The following RYR2 variants were observed in gnomAD, a reference collection of about 807,000 sequenced individuals.
RYR2 encodes cardiac muscle ryanodine receptor-calcium release channel.
Under a neutral mutation model 601.1 loss-of-function variants are expected in RYR2, and 227 were observed. The observed-to-expected ratio is 0.38, with a 90% CI of 0.34 to 0.42. The LOEUF (loss-of-function observed/expected upper bound fraction) is 0.42. RYR2 is among the 10% of genes least tolerant of loss of function. RYR2 has a pLI of 1.00. For synonymous variants in RYR2, 2,223 were observed against 2,175.1 expected, an observed-to-expected ratio of 1.02 and a Z score of -0.61; for missense variants, 4,646 against 6,156.5, an observed-to-expected ratio of 0.75 and a Z score of 8.21.
At chr1:237,635,080 A>G (rs1680738706) in intron 44 of RYR2, 88 bp downstream of exon 44, 1 of 1,061,534 alleles carries the variant, frequency 9.4e-7, no homozygotes, top group Middle Eastern at 2.1e-4. Context: ...AGGTTGGTGC[A>G]GAAGTCATTG....
At chr1:237,656,463 T>C (rs1683257900) in intron 53 of RYR2, among the ~76,000 whole-genome samples, 1 of 152,162 alleles carries the variant, frequency 6.6e-6, no homozygotes, top group Admixed American at 6.5e-5. Context: ...CAGCACAAGA[T>C]GGAAGGGAAT....
intron 10 of RYR2, among the ~76,000 whole-genome samples, chr1:237,396,093 G>A (rs1355421899): frequency 1.3e-5 from 2 of 152,196 alleles, no homozygotes; most frequent in African/African-American, 4.8e-5. Context: ...GTTTGGTTAA[G>A]GATGGCTGTA....
chr1:237,068,932 A>G (rs1663980223), intron 1 of RYR2, among the ~76,000 whole-genome samples: 1 of 152,188 alleles, frequency 6.6e-6, no homozygotes, highest in Non-Finnish European at 1.5e-5. Context: ...CACTGGAGCA[A>G]AAATCTTCCT....
At chr1:237,141,784 C>T (rs1373753555) in intron 1 of RYR2, among the ~76,000 whole-genome samples, 3 of 152,122 alleles carry the variant, frequency 2.0e-5, no homozygotes, top group Non-Finnish European at 2.9e-5. Context: ...TTGCTATGTT[C>T]CCGGATCCTC....
At position 237,294,251 on chromosome 1, in the gene RYR2, T is replaced by A. The variant is rs77295119; in HGVS notation, c.168+23635T>A. Among the ~76,000 whole-genome samples the A allele has an allele frequency of 2.6e-3, 401 of 152,170 alleles. 2 individuals carry two copies. The highest frequency in any genetic ancestry group is 8.4e-3 in the African/African-American group (347 of 41,512). The stretch of plus-strand genomic sequence containing the variant: ...TTATTATATCACAGTATCACAAGAG[T>A]TAATTCAGTCTCCCATGTTCATGGA... On this transcript the variant is annotated intron_variant, in intron 2 of 104. Coordinates refer to ENST00000366574, the MANE Select transcript of RYR2 (RefSeq NM_001035.3).
intron 53 of RYR2, 147 bp downstream of exon 53, chr1:237,656,131 C>A: frequency 3.4e-6 from 2 of 588,090 alleles, no homozygotes; most frequent in Non-Finnish European, 5.8e-6. Context: ...ATTTATAAAA[C>A]GATAGTAATA....
At chr1:237,459,421 G>C (rs1438173213) in intron 16 of RYR2, among the ~76,000 whole-genome samples, 1 of 152,146 alleles carries the variant, frequency 6.6e-6, no homozygotes, top group Non-Finnish European at 1.5e-5. Context: ...TTTTAAAAAA[G>C]AAGAATTTCA....
At chr1:237,198,825 C>T (rs1167008020) in intron 1 of RYR2, among the ~76,000 whole-genome samples, 1 of 148,308 alleles carries the variant, frequency 6.7e-6, no homozygotes, top group Non-Finnish European at 1.5e-5. Flanking sequence ...AGGTTTTAGA[C>T]ATATATATTT....
intron 103 of RYR2, 69 bp downstream of exon 103, chr1:237,830,699 T>C: frequency 1.3e-6 from 1 of 741,114 alleles, no homozygotes; most frequent in Non-Finnish European, 2.3e-6. Context: ...CATCTCAGAA[T>C]AGAGAGGAAG....
At chr1:237,355,816 A>G in intron 3 of RYR2, 149 bp from the exon 4 acceptor site, 1 of 675,664 alleles carries the variant, frequency 1.5e-6, no homozygotes, top group Non-Finnish European at 2.5e-6. Flanking sequence ...TGTTAATGAA[A>G]AACTTGAATA....
chr1:237,050,424 G>T (rs958732970), intron 1 of RYR2, among the ~76,000 whole-genome samples: 1 of 152,182 alleles, frequency 6.6e-6, no homozygotes, highest in African/African-American at 2.4e-5. Context: ...GGGGAAACCC[G>T]CATGTGGTCA....
intron 2 of RYR2, among the ~76,000 whole-genome samples, chr1:237,299,658 A>G (rs1693155544): frequency 6.6e-6 from 1 of 152,170 alleles, no homozygotes; most frequent in South Asian, 2.1e-4. Context: ...ACTGCCGGCT[A>G]ATAAAAAGTT....
chr1:237,261,253 T>C (rs915576682), intron 1 of RYR2, among the ~76,000 whole-genome samples: 27 of 152,214 alleles, frequency 1.8e-4, no homozygotes, highest in African/African-American at 6.5e-4. Flanking sequence ...ATGGTTGCAG[T>C]GACCCCCCTT....
At chr1:237,617,541 G>C (rs1678609420) in intron 38 of RYR2, 55 bp downstream of exon 38, 5 of 1,541,842 alleles carry the variant, frequency 3.2e-6, no homozygotes, top group Non-Finnish European at 4.4e-6. Flanking sequence ...AGTCATTCAG[G>C]ATCTCTGCCT....
At chr1:237,487,357 T>C (rs1429193636) in intron 17 of RYR2, among the ~76,000 whole-genome samples, 1 of 152,096 alleles carries the variant, frequency 6.6e-6, no homozygotes, top group African/African-American at 2.4e-5. Flanking sequence ...TTCTCATTTG[T>C]TGTCCTTTAA....
intron 1 of RYR2, among the ~76,000 whole-genome samples, chr1:237,256,233 A>C (rs1399366973): frequency 6.6e-6 from 1 of 152,104 alleles, no homozygotes; most frequent in Admixed American, 6.5e-5. Flanking sequence ...GCCGTGTAAG[A>C]TGTGCCTTTC....
At chr1:237,251,402 A>G (rs1046177886) in intron 1 of RYR2, among the ~76,000 whole-genome samples, 4 of 152,178 alleles carry the variant, frequency 2.6e-5, no homozygotes, top group African/African-American at 7.2e-5. Flanking sequence ...ATGTAATGGC[A>G]ATTCTAAACT....
rs1246858545 is a variant in RYR2 at position 237,106,413 on chromosome 1, A to G, written c.48+63844A>G. Among the ~76,000 whole-genome samples, 2 of 152,096 alleles carry G rather than the reference A, an allele frequency of 1.3e-5. No homozygotes were observed. Among genetic ancestry groups the G allele is most frequent in the African/African-American group, 2.4e-5 (1 of 41,390 alleles). On this transcript the variant is annotated intron_variant, in intron 1 of 104. Coordinates refer to ENST00000366574, the MANE Select transcript of RYR2 (RefSeq NM_001035.3). This position sits in a 1 kb window ranked among gnomAD's most constrained non-coding sequence, Gnocchi z 4.4. ...CCAGGAGGATTTCCTCATGGTTCTGATGAGGGTTGAGAGAGAGAAGGGGAG... is the reference window on the plus strand; with the variant it reads ...CCAGGAGGATTTCCTCATGGTTCTGGTGAGGGTTGAGAGAGAGAAGGGGAG...
chr1:237,521,585 T>C (rs1017422138), intron 24 of RYR2, among the ~76,000 whole-genome samples: 1 of 151,820 alleles, frequency 6.6e-6, no homozygotes, highest in African/African-American at 2.4e-5. Context: ...CCAAGCGTCA[T>C]GGCAGGTGCC....
Sources: allele counts gnomAD v4.1 joint callset (sites outside exome capture counted in the v4.1 genomes callset), GRCh38; gene constraint gnomAD v4.1.1; non-coding constraint Gnocchi (gnomAD v3.1); transcripts MANE v1.5; gene names NCBI Gene and HGNC (gene_info 2026-07-23, HGNC 2026-07-21).